ADAMTSL1: variants seen among roughly 807,000 people sequenced by gnomAD.
ADAMTSL1 encodes ADAMTS-like protein 1.
ADAMTSL1 carries 126 observed loss-of-function variants against 201.8 expected under a neutral mutation model. That is an observed-to-expected ratio of 0.62 (90% CI 0.54 to 0.72). The LOEUF is 0.72. Ranked by LOEUF, ADAMTSL1 falls within the 30% of genes least tolerant of loss-of-function variation. The pLI, the probability that ADAMTSL1 is intolerant of heterozygous loss-of-function variation, is 0.00. For synonymous variants in ADAMTSL1, 1,121 were observed against 903.4 expected (o/e 1.24, Z -4.32); for missense variants, 2,679 against 2,277.8 (o/e 1.18, Z -3.59).
At chr9:18,164,927 A>AT (rs897099022) in intron 2 of ADAMTSL1, among the ~76,000 whole-genome samples, 1 of 151,550 alleles carries the variant, frequency 6.6e-6, no homozygotes, top group African/African-American at 2.4e-5. Context: ...TGTCATTTAC[A>AT]TTTTTTTCAT....
intron 19 of ADAMTSL1, among the ~76,000 whole-genome samples, chr9:18,788,159 G>A (rs1821808816): frequency 1.3e-5 from 2 of 152,144 alleles, no homozygotes; most frequent in South Asian, 4.2e-4. Flanking sequence ...AACTCTTCAT[G>A]AACCTCAAAT....
chr9:18,773,231 C>T (rs985899028), intron 17 of ADAMTSL1, among the ~76,000 whole-genome samples: 1 of 152,072 alleles, frequency 6.6e-6, no homozygotes, highest in Non-Finnish European at 1.5e-5. Flanking sequence ...AGAATTAAGC[C>T]AAAGTTTTAG....
At chr9:18,250,140 C>G (rs1162128959) in intron 2 of ADAMTSL1, among the ~76,000 whole-genome samples, 2 of 152,182 alleles carry the variant, frequency 1.3e-5, no homozygotes, top group African/African-American at 4.8e-5. Flanking sequence ...TAAATTTTCT[C>G]ATTCTATTTT....
intron 3 of ADAMTSL1, among the ~76,000 whole-genome samples, chr9:18,572,562 G>A (rs1380673999): frequency 2.0e-5 from 3 of 152,074 alleles, no homozygotes; most frequent in African/African-American, 7.2e-5. Flanking sequence ...ACAGTAAAAT[G>A]TCTTTGACAT....
At chr9:18,254,576 G>A (rs975783034) in intron 2 of ADAMTSL1, among the ~76,000 whole-genome samples, 3 of 151,528 alleles carry the variant, frequency 2.0e-5, no homozygotes, top group Non-Finnish European at 4.4e-5. Context: ...TGTTAGCCAG[G>A]ATGGTCTCGA....
chr9:17,920,218 T>C (rs537266216), intron 1 of ADAMTSL1, among the ~76,000 whole-genome samples: 1 of 152,330 alleles, frequency 6.6e-6, no homozygotes, highest in African/African-American at 2.4e-5. Flanking sequence ...GAATAATTTT[T>C]CCAAATGCAA....
At chr9:18,050,108 A>G (rs767470863) in intron 1 of ADAMTSL1, among the ~76,000 whole-genome samples, 30 of 152,344 alleles carry the variant, frequency 2.0e-4, no homozygotes, top group South Asian at 4.1e-4. Context: ...GGATTTTCTT[A>G]CAACCTAGTA....
chr9:18,020,331 C>G (rs189166854), intron 1 of ADAMTSL1, among the ~76,000 whole-genome samples: 18 of 152,198 alleles, frequency 1.2e-4, no homozygotes, highest in Admixed American at 5.2e-4. Flanking sequence ...TGGGATGTTA[C>G]TACCAAACTT....
chr9:18,716,576 T>A (rs12342495), intron 14 of ADAMTSL1, among the ~76,000 whole-genome samples: 55,122 of 116,594 alleles, frequency 0.47, 13,986 homozygotes, highest in East Asian at 0.55. Flanking sequence ...ATCATTAAAA[T>A]GTCAGGAAAC....
At chr9:18,849,506 C>T (rs1222210092) in intron 23 of ADAMTSL1, among the ~76,000 whole-genome samples, 1 of 152,176 alleles carries the variant, frequency 6.6e-6, no homozygotes, top group African/African-American at 2.4e-5. Flanking sequence ...GTGGGAACAG[C>T]AAGTTCTGAT....
At chr9:18,774,130 G>C (rs991108561) in intron 17 of ADAMTSL1, among the ~76,000 whole-genome samples, 1 of 151,942 alleles carries the variant, frequency 6.6e-6, no homozygotes, top group African/African-American at 2.4e-5. Flanking sequence ...CCCTCATTCA[G>C]GCAAGCCTGG....
chr9:18,774,328 C>G (rs1191189041), intron 17 of ADAMTSL1, among the ~76,000 whole-genome samples: 1 of 152,136 alleles, frequency 6.6e-6, no homozygotes, highest in African/African-American at 2.4e-5. Flanking sequence ...GGTCTCCAAA[C>G]TAACCCTCAA....
rs190876626 is a variant in ADAMTSL1, at chr9:18,645,621, C to A, written c.834+6210C>A. 9.3e-4 allele frequency among the ~76,000 whole-genome samples: 141 copies of A among 151,906 alleles called. 1 individual carries two copies. Among genetic ancestry groups the A allele is most frequent in the African/African-American group, 3.2e-3 (132 of 41,398 alleles). On this transcript the variant is annotated intron_variant, in intron 7 of 28. Transcript: ENST00000380548. ...TTTCTACGTGTGGCTAGCCAGTTTT[C>A]CCAGCACCATTTATTAAATAGGGAA...
chr9:18,533,109 A>G, intron 2 of ADAMTSL1, 138 bp from the exon 3 acceptor site: 1 of 565,562 alleles, frequency 1.8e-6, no homozygotes, highest in Non-Finnish European at 3.0e-6. Flanking sequence ...GATTTTTAAT[A>G]GTAAACCCTC....
At chr9:18,306,193 C>G (rs1357428432) in intron 2 of ADAMTSL1, among the ~76,000 whole-genome samples, 2 of 152,076 alleles carry the variant, frequency 1.3e-5, no homozygotes, top group Non-Finnish European at 1.5e-5. Context: ...CGAAGATCAC[C>G]AACATCAAAG....
At chr9:18,757,070 C>G (rs1348192611) in intron 16 of ADAMTSL1, among the ~76,000 whole-genome samples, 1 of 152,148 alleles carries the variant, frequency 6.6e-6, no homozygotes, top group African/African-American at 2.4e-5. Context: ...AAATCTAATT[C>G]TAGCTTTGGT....
intron 26 of ADAMTSL1, among the ~76,000 whole-genome samples, chr9:18,905,246 C>G (rs1428211947): frequency 6.6e-6 from 1 of 152,208 alleles, no homozygotes; most frequent in Non-Finnish European, 1.5e-5. Context: ...TAACAATCTC[C>G]ATGAGCACAT....
chr9:18,484,182 G>A (rs1821872553), intron 1 of ADAMTSL1, among the ~76,000 whole-genome samples: 1 of 152,152 alleles, frequency 6.6e-6, no homozygotes, highest in African/African-American at 2.4e-5. Context: ...AACAGACATG[G>A]TCCTAAAGAT....
intron 1 of ADAMTSL1, among the ~76,000 whole-genome samples, chr9:17,997,163 T>G (rs1250942625): frequency 1.3e-5 from 2 of 152,106 alleles, no homozygotes; most frequent in Non-Finnish European, 2.9e-5. Flanking sequence ...GGAGCCTAAC[T>G]GAAACTTGCA....
Sources: gnomAD v4.1 joint callset for allele counts (sites outside exome capture counted in the v4.1 genomes callset) on GRCh38, gnomAD v4.1.1 for gene constraint, MANE v1.5 for transcripts, NCBI Gene and HGNC (gene_info 2026-07-23, HGNC 2026-07-21) for gene names.